Variants in FSIP1 observed in about 807,000 individuals in gnomAD.
The protein encoded by FSIP1 is fibrous sheath interacting protein 1.
A neutral mutation model predicts 60.9 loss-of-function variants in FSIP1; 65 were observed. That is an observed-to-expected ratio of 1.07 (90% CI 0.87 to 1.31). The LOEUF is 1.31. Ranked by LOEUF, FSIP1 falls within the 40% of genes most tolerant of loss-of-function variation. The pLI is 0.00. For missense variants in FSIP1, 675 were observed against 665.5 expected (o/e 1.01, Z -0.16); for synonymous variants, 209 against 221.2 (o/e 0.94, Z 0.49).
intron 10 of FSIP1, among the ~76,000 whole-genome samples, chr15:39,634,129 G>C (rs1192832338): frequency 2.0e-5 from 3 of 152,032 alleles, no homozygotes; most frequent in Admixed American, 6.6e-5. Flanking sequence ...CATCGCTTTG[G>C]CAATCTCCCC....
intron 10 of FSIP1, among the ~76,000 whole-genome samples, chr15:39,677,286 C>T (rs1223973555): frequency 6.6e-6 from 1 of 151,988 alleles, no homozygotes; most frequent in Non-Finnish European, 1.5e-5. Context: ...ATTCCAAAAC[C>T]ACTTGCATGT....
chr15:39,776,243 T>C (rs1228157424), intron 2 of FSIP1, among the ~76,000 whole-genome samples, 156 bp downstream of exon 2: 1 of 123,190 alleles, frequency 8.1e-6, no homozygotes, highest in East Asian at 2.3e-4. Flanking sequence ...AGTTTTTTCA[T>C]ATTAATCTAG....
chr15:39,718,695 C>T (rs1895843921), intron 9 of FSIP1, among the ~76,000 whole-genome samples: 1 of 151,928 alleles, frequency 6.6e-6, no homozygotes, highest in African/African-American at 2.4e-5. Context: ...ATGGGTTTCA[C>T]TATGTTGCCC....
rs533618799 is a variant in FSIP1, at chr15:39,655,094, G to A, written c.1189-36849C>T. ...AGGGTATGGAAGTTGATAAAACTTA[G>A]AGAAAAATCCCAAGGAAATTCCATG... On this transcript the variant is annotated intron_variant, in intron 10 of 11. Transcript: ENST00000350221. Among the ~76,000 whole-genome samples the A allele has an allele frequency of 3.3e-5, 5 of 152,282 alleles. No homozygotes were observed. The East Asian group carries it at 5.8e-4, about 18-fold the overall frequency.
chr15:39,730,070 T>A (rs1390562079), intron 8 of FSIP1, among the ~76,000 whole-genome samples: 1 of 151,434 alleles, frequency 6.6e-6, no homozygotes, highest in Non-Finnish European at 1.5e-5. Flanking sequence ...AATAAACAAC[T>A]TAAAAAATAA....
At chr15:39,687,136 C>CTTT (rs1491090328) in intron 10 of FSIP1, among the ~76,000 whole-genome samples, 678 of 47,702 alleles carry the variant, frequency 0.014, 210 homozygotes, top group Middle Eastern at 0.045. Context: ...CTTTTCTTTT[C>CTTT]CTTTTTTTTT....
rs3065148 is a variant in FSIP1, at chr15:39,749,263, C to CAAAAAAA, written c.560-7370_560-7364dup. 6.4e-4 allele frequency among the ~76,000 whole-genome samples: 63 copies of CAAAAAAA among 98,320 alleles called. 4 individuals are homozygous for CAAAAAAA. Among genetic ancestry groups the CAAAAAAA allele is most frequent in the African/African-American group, 2.2e-3 (47 of 21,490 alleles). The allele number at this position is 98,320 out of a possible 152,430, so 64.5% of individuals were successfully genotyped here. A position where few individuals can be genotyped will look rare whatever the true frequency, so the allele number is the denominator to read the frequency against. ...AATACCAATACTTCTTAAACTCTTCCAAAAAAAAAAAAACCAGGCTAGAGG... is the reference window on the plus strand; with the variant it reads ...AATACCAATACTTCTTAAACTCTTCCAAAAAAAAAAAAAAAAAAAACCAGGCTAGAGG... On this transcript the variant is annotated intron_variant, in intron 5 of 11. Coordinates refer to ENST00000350221, the MANE Select transcript of FSIP1 (RefSeq NM_152597.5).
chr15:39,653,878 T>G (rs1033977603), intron 10 of FSIP1, among the ~76,000 whole-genome samples: 7 of 152,270 alleles, frequency 4.6e-5, no homozygotes, highest in Admixed American at 3.9e-4. Context: ...GTCTCAGGTA[T>G]GCCTTCATCA....
At position 39,739,798 on chromosome 15, in the gene FSIP1, A is replaced by T. The variant is rs779889814; in HGVS notation, c.656-9T>A. The stretch of plus-strand genomic sequence containing the variant: ...CACATCACAGGTAAAATCTAATATT[A>T]AAAAAGTTCAAAATTTTTTCATAAT... On this transcript the variant is annotated splice_polypyrimidine_tract_variant and intron_variant, in intron 6 of 11. Transcript: ENST00000350221. 6 of 1,519,668 alleles carry T rather than the reference A, an allele frequency of 3.9e-6. No individual in the cohort carries two copies. Among genetic ancestry groups the T allele is most frequent in the African/African-American group, 1.4e-5 (1 of 70,956 alleles). The allele number at this position is 1,519,668 out of a possible 1,614,324, so 94.1% of individuals were successfully genotyped here.
intron 3 of FSIP1, among the ~76,000 whole-genome samples, chr15:39,766,168 T>C (rs774207147): frequency 6.6e-6 from 1 of 152,226 alleles, no homozygotes; most frequent in African/African-American, 2.4e-5. Flanking sequence ...AGAAGGCGTG[T>C]ACACAAATGG....
chr15:39,722,175 A>G (rs1216116086), intron 9 of FSIP1, among the ~76,000 whole-genome samples: 1 of 152,032 alleles, frequency 6.6e-6, no homozygotes, highest in Non-Finnish European at 1.5e-5. Context: ...TGAACTGCAC[A>G]TGCAAGGGAT....
intron 11 of FSIP1, among the ~76,000 whole-genome samples, chr15:39,613,186 A>G (rs1467124817): frequency 6.6e-6 from 1 of 152,196 alleles, no homozygotes. Flanking sequence ...ATTAGAAAGC[A>G]ATAACAAATA....
At chr15:39,723,122 C>A (rs1431191157) in intron 9 of FSIP1, among the ~76,000 whole-genome samples, 1 of 152,082 alleles carries the variant, frequency 6.6e-6, no homozygotes, top group Non-Finnish European at 1.5e-5. Context: ...ACCTAAAGAA[C>A]CTTAAAGAAT....
chr15:39,629,884 C>T (rs1347754211), intron 10 of FSIP1, among the ~76,000 whole-genome samples: 2 of 152,236 alleles, frequency 1.3e-5, no homozygotes, highest in Non-Finnish European at 2.9e-5. Context: ...TAGTCTGGTT[C>T]GACAAATGGT....
intron 10 of FSIP1, among the ~76,000 whole-genome samples, chr15:39,668,465 C>T (rs888847872): frequency 6.6e-6 from 1 of 152,180 alleles, no homozygotes; most frequent in African/African-American, 2.4e-5. Flanking sequence ...TCTCTGTCTT[C>T]AAGTTGAAAT....
intron 1 of FSIP1, among the ~76,000 whole-genome samples, chr15:39,779,505 C>A (rs568557384): frequency 1.3e-5 from 2 of 152,138 alleles, no homozygotes; most frequent in African/African-American, 4.8e-5. Context: ...TAAAAATCAC[C>A]CAACATCCCA....
intron 8 of FSIP1, among the ~76,000 whole-genome samples, chr15:39,736,208 G>A (rs1352632053): frequency 6.6e-6 from 1 of 152,164 alleles, no homozygotes; most frequent in Non-Finnish European, 1.5e-5. Context: ...ATGAACCAGC[G>A]AAGCTGAAAT....
chr15:39,613,082 A>G (rs1325878394), intron 11 of FSIP1, among the ~76,000 whole-genome samples: 1 of 152,148 alleles, frequency 6.6e-6, no homozygotes, highest in Non-Finnish European at 1.5e-5. Context: ...ATGAATGTTA[A>G]TATTAACAAT....
chr15:39,709,788 C>G (rs1895422539), intron 10 of FSIP1, among the ~76,000 whole-genome samples: 1 of 152,122 alleles, frequency 6.6e-6, no homozygotes, highest in Non-Finnish European at 1.5e-5. Context: ...ACTCGCGCTC[C>G]TATGAGAATC....
Sources: allele counts gnomAD v4.1 joint callset (sites outside exome capture counted in the v4.1 genomes callset), GRCh38; gene constraint gnomAD v4.1.1; transcripts MANE v1.5; gene names NCBI Gene and HGNC (gene_info 2026-07-23, HGNC 2026-07-21).